BLMH: variants seen among roughly 807,000 people sequenced by gnomAD.
BLMH encodes BLM hydrolase.
BLMH carries 32 observed loss-of-function variants against 61.6 expected under a neutral mutation model. The observed-to-expected ratio is 0.52, with a 90% CI of 0.39 to 0.70. The LOEUF (loss-of-function observed/expected upper bound fraction) is 0.70. Among genes scored for constraint, BLMH ranks in the 30% least tolerant of loss-of-function variants. The probability of loss-of-function intolerance (pLI) is 0.00; values close to 1 mark genes in which losing one functional copy is unlikely to be tolerated. For missense variants in BLMH, 460 were observed against 555.5 expected, an observed-to-expected ratio of 0.83 and a Z score of 1.73; for synonymous variants, 183 against 193.8, an observed-to-expected ratio of 0.94 and a Z score of 0.46.
intron 6 of BLMH, among the ~76,000 whole-genome samples, chr17:30,275,524 C>T (rs1456904261): frequency 6.6e-6 from 1 of 150,834 alleles, no homozygotes; most frequent in Non-Finnish European, 1.5e-5. Context: ...CAAAACAAAA[C>T]AAAACAAAAA....
chr17:30,277,272 G>A (rs1908449639), intron 6 of BLMH, among the ~76,000 whole-genome samples: 1 of 152,178 alleles, frequency 6.6e-6, no homozygotes, highest in Non-Finnish European at 1.5e-5. Context: ...ATAAGCAACC[G>A]TAATTGAGTT....
chr17:30,269,230 T>C (rs1597661425), intron 10 of BLMH, among the ~76,000 whole-genome samples: 1 of 147,074 alleles, frequency 6.8e-6, no homozygotes, highest in Admixed American at 6.9e-5. Flanking sequence ...CAGGCTGGAG[T>C]GCAGTGGTGC....
chr17:30,281,052 G>A (rs543058182), intron 6 of BLMH, among the ~76,000 whole-genome samples: 1 of 151,202 alleles, frequency 6.6e-6, no homozygotes, highest in Admixed American at 6.6e-5. Context: ...AATGAAAGAA[G>A]GGCAAAGATC....
chr17:30,286,949 AC>A, intron 4 of BLMH, 47 bp from the exon 5 acceptor site: 1 of 1,266,458 alleles, frequency 7.9e-7, no homozygotes, highest in Non-Finnish European at 1.1e-6. Flanking sequence ...AAAATTAGAA[AC>A]CCTGGCAAAA....
intron 11 of BLMH, among the ~76,000 whole-genome samples, chr17:30,256,501 C>T (rs1433122602): frequency 6.6e-6 from 1 of 151,902 alleles, no homozygotes; most frequent in Non-Finnish European, 1.5e-5. Flanking sequence ...GCTAATTTTT[C>T]GTATTTTTAG....
At chr17:30,283,079 T>C (rs904663316) in intron 6 of BLMH, among the ~76,000 whole-genome samples, 5 of 152,108 alleles carry the variant, frequency 3.3e-5, no homozygotes, top group African/African-American at 2.4e-5. Flanking sequence ...GAAGCAGCAT[T>C]TGAGCCCAGG....
chr17:30,257,158 G>A (rs768699893), intron 11 of BLMH, among the ~76,000 whole-genome samples: 7 of 152,274 alleles, frequency 4.6e-5, no homozygotes, highest in African/African-American at 7.2e-5. Context: ...GGCACTTACC[G>A]TGTGCCAGGC....
chr17:30,287,430 A>G (rs1908763704), intron 4 of BLMH, among the ~76,000 whole-genome samples: 1 of 152,224 alleles, frequency 6.6e-6, no homozygotes, highest in South Asian at 2.1e-4. Flanking sequence ...TGTATCTATC[A>G]TACTTTTGTA....
At chr17:30,279,970 G>A (rs959439580) in intron 6 of BLMH, among the ~76,000 whole-genome samples, 1 of 98,434 alleles carries the variant, frequency 1.0e-5, no homozygotes, top group African/African-American at 3.9e-5. Context: ...AAATGATATG[G>A]GCCTTAGTTA....
At chr17:30,287,988 G>A in intron 3 of BLMH, 41 bp from the exon 4 acceptor site, 2 of 1,564,778 alleles carry the variant, frequency 1.3e-6, no homozygotes, top group Non-Finnish European at 1.7e-6. Context: ...AAAGAAAAAA[G>A]TGTCAATAAT....
chr17:30,252,841 T>C (rs1339732167), intron 11 of BLMH, among the ~76,000 whole-genome samples: 1 of 152,172 alleles, frequency 6.6e-6, no homozygotes, highest in African/African-American at 2.4e-5. Flanking sequence ...GTCTTGATTA[T>C]ATATTCCAAA....
chr17:30,267,298 T>C (rs1388429118), intron 10 of BLMH, among the ~76,000 whole-genome samples: 1 of 152,230 alleles, frequency 6.6e-6, no homozygotes, highest in Non-Finnish European at 1.5e-5. Context: ...ATTAACCTAC[T>C]AAAAGCAGTA....
intron 11 of BLMH, among the ~76,000 whole-genome samples, chr17:30,255,756 G>T (rs1239247163): frequency 6.6e-6 from 1 of 152,204 alleles, no homozygotes; most frequent in East Asian, 1.9e-4. Context: ...AATTAGCTGG[G>T]CATGGTGGCG....
At position 30,272,629 on chromosome 17, in the gene BLMH, C is replaced by CAAACCACA; in HGVS notation, c.961-2_961-1insTGTGGTTT. On this transcript the variant is annotated splice_acceptor_variant, in intron 8 of 11. Transcript: ENST00000261714. LOFTEE classifies it high-confidence loss of function. ...CAACATCACAGCCAAACCACACAGC[C>CAAACCACA]TAGAAACAGAAGAAAGAGGAAGAAA... The CAAACCACA allele has an allele frequency of 6.2e-7, 1 of 1,614,112 alleles. No individual in the cohort carries two copies. Among genetic ancestry groups the CAAACCACA allele is most frequent in the South Asian group, 1.1e-5 (1 of 91,078 alleles).
In BLMH at chr17:30,274,093, G is replaced by C. The variant is rs1352604027; in HGVS notation, c.750C>G (p.Pro250=). 3 of 1,614,082 alleles carry C rather than the reference G, an allele frequency of 1.9e-6. No individual in the cohort carries two copies. The highest frequency in any genetic ancestry group is 2.5e-6 in the Non-Finnish European group (3 of 1,180,006). The stretch of plus-strand genomic sequence containing the variant: ...TGACATGTTCCCTGTAAAACTCCAA[G>C]GGTGTTATGGGGCCAATTTTCTGAT... ...KNYQKIGPIT[P]LEFYREHVKP... The change falls in exon 7 of 12, where the codon CCC becomes CCG. Residue 250 remains proline, a synonymous_variant. Coordinates refer to ENST00000261714, the MANE Select transcript of BLMH (RefSeq NM_000386.4).
intron 5 of BLMH, among the ~76,000 whole-genome samples, chr17:30,286,093 T>C (rs546012443): frequency 1.3e-5 from 2 of 152,176 alleles, no homozygotes; most frequent in South Asian, 2.1e-4. Context: ...GGGTGGAAAA[T>C]AGTCTACTTC....
chr17:30,269,533 G>C (rs1293313237), intron 10 of BLMH, among the ~76,000 whole-genome samples: 1 of 152,106 alleles, frequency 6.6e-6, no homozygotes, highest in Non-Finnish European at 1.5e-5. Flanking sequence ...TCAAATGTGA[G>C]AATTTTGTTA....
intron 11 of BLMH, among the ~76,000 whole-genome samples, chr17:30,260,130 C>T (rs1341470577): frequency 6.6e-6 from 1 of 152,136 alleles, no homozygotes; most frequent in African/African-American, 2.4e-5. Context: ...ATTATTATCC[C>T]TATTTTACAG....
chr17:30,271,465 CA>C (rs1908269818), intron 9 of BLMH, 77 bp from the exon 10 acceptor site: 1 of 1,118,784 alleles, frequency 8.9e-7, no homozygotes, highest in Admixed American at 1.7e-5. Flanking sequence ...AAAAGGAATT[CA>C]GAAGAAACTG....
Sources: gnomAD v4.1 joint callset for allele counts (sites outside exome capture counted in the v4.1 genomes callset) on GRCh38, gnomAD v4.1.1 for gene constraint, MANE v1.5 for transcripts, NCBI Gene and HGNC (gene_info 2026-07-23, HGNC 2026-07-21) for gene names.